The following ZFAT variants were observed in gnomAD, a reference collection of about 807,000 sequenced individuals.
The protein encoded by ZFAT is zinc finger and AT-hook domain containing.
A neutral mutation model predicts 117.7 loss-of-function variants in ZFAT; 64 were observed. That is an observed-to-expected ratio of 0.54 (90% CI 0.44 to 0.67). The LOEUF (loss-of-function observed/expected upper bound fraction) is 0.67, where lower values mean the gene tolerates loss of function less well. ZFAT is among the 30% of genes least tolerant of loss of function. The pLI is 0.00. For missense variants in ZFAT, 1,433 were observed against 1,584.5 expected (o/e 0.90, Z 1.62); for synonymous variants, 679 against 615.0 (o/e 1.10, Z -1.54).
At chr8:134,511,459 G>A (rs140010499) in intron 14 of ZFAT, among the ~76,000 whole-genome samples, 1 of 152,346 alleles carries the variant, frequency 6.6e-6, no homozygotes, top group South Asian at 2.1e-4. Flanking sequence ...CAGCTCAGCA[G>A]GCAGTGAACA....
intron 2 of ZFAT, among the ~76,000 whole-genome samples, chr8:134,647,432 G>A (rs1242479110): frequency 1.3e-5 from 2 of 152,122 alleles, no homozygotes; most frequent in African/African-American, 4.8e-5. Context: ...AATAATCAAC[G>A]TGAAAAGCTG....
chr8:134,507,552 G>A (rs753234632), intron 15 of ZFAT, among the ~76,000 whole-genome samples: 12 of 152,220 alleles, frequency 7.9e-5, no homozygotes, highest in Non-Finnish European at 1.8e-4. Flanking sequence ...ATCCTCAGAA[G>A]GGCGGCACTG....
chr8:134,737,537 T>TCAAAGCGTGTCTTA, the ZFAT span, among the ~76,000 whole-genome samples: 57,889 of 151,600 alleles, frequency 0.38, 11,231 homozygotes, highest in Admixed American at 0.4. Context: ...GTGGGGAAGG[T>TCAAAGCGTGTCTTA]CAAAGCAAAG....
intron 1 of ZFAT, among the ~76,000 whole-genome samples, chr8:134,708,682 G>A (rs988811240): frequency 6.6e-6 from 1 of 152,182 alleles, no homozygotes; most frequent in African/African-American, 2.4e-5. Flanking sequence ...GCCAGGCACA[G>A]CGGCTCACGT....
intron 3 of ZFAT, among the ~76,000 whole-genome samples, chr8:134,620,617 ACCTT>A (rs1372459992): frequency 6.6e-6 from 1 of 152,200 alleles, no homozygotes; most frequent in Non-Finnish European, 1.5e-5. Flanking sequence ...GATACAATGA[ACCTT>A]CTGGTAATAA....
At chr8:134,618,390 G>C (rs920951364) in intron 3 of ZFAT, among the ~76,000 whole-genome samples, 1 of 152,152 alleles carries the variant, frequency 6.6e-6, no homozygotes, top group African/African-American at 2.4e-5. Context: ...TGTGGTGTTT[G>C]CTGCAGAATG....
At chr8:134,712,810 C>CACCCCGTCTCACCCCA in intron 1 of ZFAT, 35 bp downstream of exon 1, 1 of 1,024,536 alleles carries the variant, frequency 9.8e-7, no homozygotes, top group Non-Finnish European at 1.4e-6. Flanking sequence ...GCCCCACCCC[C>CACCCCGTCTCACCCCA]ACCCCGTCTC....
intron 13 of ZFAT, among the ~76,000 whole-genome samples, chr8:134,515,456 T>A (rs1820185335): frequency 6.6e-6 from 1 of 152,218 alleles, no homozygotes; most frequent in African/African-American, 2.4e-5. Context: ...TTTCTCCACA[T>A]CCTCTCCACC....
chr8:134,750,283 GT>G, the ZFAT span, among the ~76,000 whole-genome samples: 1 of 29,162 alleles, frequency 3.4e-5, no homozygotes, highest in East Asian at 5.8e-4. Flanking sequence ...TTTTAACTGT[GT>G]TTTTACTGGA....
At chr8:134,722,308 G>C in the ZFAT span, among the ~76,000 whole-genome samples, 1 of 152,156 alleles carries the variant, frequency 6.6e-6, no homozygotes, top group African/African-American at 2.4e-5. Flanking sequence ...AGGCACAGGG[G>C]AATTTTATCA....
At chr8:134,782,716 G>A in the ZFAT span, among the ~76,000 whole-genome samples, 9 of 152,104 alleles carry the variant, frequency 5.9e-5, no homozygotes, top group Admixed American at 2.0e-4. Context: ...TGCAAGATGT[G>A]CCTTTTGCCT....
chr8:134,719,640 A>T, the ZFAT span, among the ~76,000 whole-genome samples: 1 of 152,170 alleles, frequency 6.6e-6, no homozygotes, highest in Non-Finnish European at 1.5e-5. Flanking sequence ...GACATAAAAC[A>T]TGATTTTAAT....
chr8:134,540,116 C>G (rs2130621972), intron 11 of ZFAT, among the ~76,000 whole-genome samples: 1 of 152,216 alleles, frequency 6.6e-6, no homozygotes, highest in African/African-American at 2.4e-5. Context: ...AGTAGATGCC[C>G]TAAGACTGAA....
At chr8:134,539,684 C>A (rs1822107197) in intron 11 of ZFAT, among the ~76,000 whole-genome samples, 1 of 152,172 alleles carries the variant, frequency 6.6e-6, no homozygotes, top group African/African-American at 2.4e-5. Flanking sequence ...ATGGTTATGA[C>A]CTACATGAAG....
chr8:134,619,412 G>A (rs921267758), intron 3 of ZFAT, among the ~76,000 whole-genome samples: 1 of 152,128 alleles, frequency 6.6e-6, no homozygotes, highest in South Asian at 2.1e-4. Context: ...ACCAGCAACT[G>A]TGGTCTAGTG....
At chr8:134,701,471 G>A (rs1834007042) in intron 1 of ZFAT, among the ~76,000 whole-genome samples, 1 of 152,176 alleles carries the variant, frequency 6.6e-6, no homozygotes, top group Middle Eastern at 3.2e-3. Context: ...TTATGAACAT[G>A]GGTATACAAA....
chr8:134,646,645 A>G (rs1704011515), intron 2 of ZFAT, among the ~76,000 whole-genome samples: 1 of 152,124 alleles, frequency 6.6e-6, no homozygotes, highest in South Asian at 2.1e-4. Context: ...ACAGTTGAGA[A>G]ACCCTTAGCT....
intron 12 of ZFAT, among the ~76,000 whole-genome samples, chr8:134,527,872 C>G (rs1821135364): frequency 6.6e-6 from 1 of 152,168 alleles, no homozygotes. Flanking sequence ...TCACATACGC[C>G]CCCAAATCTT....
At chr8:134,502,760 C>T (rs565040664) in intron 15 of ZFAT, among the ~76,000 whole-genome samples, 1 of 152,204 alleles carries the variant, frequency 6.6e-6, no homozygotes, top group Non-Finnish European at 1.5e-5. Flanking sequence ...CAGAGGAGCA[C>T]TTGGGATTTT....
Sources: gnomAD v4.1 joint callset for allele counts (sites outside exome capture counted in the v4.1 genomes callset) on GRCh38, gnomAD v4.1.1 for gene constraint, MANE v1.5 for transcripts, NCBI Gene and HGNC (gene_info 2026-07-23, HGNC 2026-07-21) for gene names.